Variants in TMEM135 observed in about 807,000 individuals in gnomAD.
TMEM135 encodes peroxisomal membrane protein 52.
Under a neutral mutation model 60.3 loss-of-function variants are expected in TMEM135, and 30 were observed. That is an observed-to-expected ratio of 0.50 (90% confidence interval 0.37 to 0.68). The LOEUF is 0.68. TMEM135 is among the 30% of genes least tolerant of loss of function. The probability of loss-of-function intolerance (pLI) is 0.00; values close to 1 mark genes in which losing one functional copy is unlikely to be tolerated. For synonymous variants in TMEM135, 190 were observed against 186.7 expected, an observed-to-expected ratio of 1.02 and a Z score of -0.14; for missense variants, 468 against 548.8, an observed-to-expected ratio of 0.85 and a Z score of 1.47.
At chr11:87,251,763 CTG>C (rs1431605616) in intron 6 of TMEM135, among the ~76,000 whole-genome samples, 1 of 152,124 alleles carries the variant, frequency 6.6e-6, no homozygotes, top group Non-Finnish European at 1.5e-5. Context: ...AGAAAAAACA[CTG>C]AACTAAAACG....
intron 6 of TMEM135, among the ~76,000 whole-genome samples, chr11:87,280,846 C>G (rs1942048765): frequency 6.6e-6 from 1 of 152,130 alleles, no homozygotes; most frequent in African/African-American, 2.4e-5. Flanking sequence ...AACAACACTC[C>G]AACCTATAGA....
chr11:87,125,826 A>G (rs1937710319), intron 4 of TMEM135, among the ~76,000 whole-genome samples: 1 of 152,242 alleles, frequency 6.6e-6, no homozygotes, highest in African/African-American at 2.4e-5. Flanking sequence ...TAAGAGCTCT[A>G]GAAAATTTAC....
chr11:87,138,690 T>C (rs997975964), intron 4 of TMEM135, among the ~76,000 whole-genome samples: 2 of 152,206 alleles, frequency 1.3e-5, no homozygotes, highest in Admixed American at 6.5e-5. Context: ...CTATATAGTA[T>C]GATACATTGT....
At chr11:87,285,657 G>A (rs183463686) in intron 6 of TMEM135, among the ~76,000 whole-genome samples, 16 of 152,314 alleles carry the variant, frequency 1.1e-4, no homozygotes, top group South Asian at 2.1e-4. Context: ...AAAGAAGTGC[G>A]GACCTAAAGA....
chr11:87,080,684 T>G (rs1856971526), intron 3 of TMEM135, among the ~76,000 whole-genome samples: 1 of 152,160 alleles, frequency 6.6e-6, no homozygotes, highest in Non-Finnish European at 1.5e-5. Flanking sequence ...TTTATTTGAT[T>G]TTTTTATTTC....
chr11:87,257,005 G>A (rs1941540120), intron 6 of TMEM135, among the ~76,000 whole-genome samples: 1 of 152,036 alleles, frequency 6.6e-6, no homozygotes, highest in Non-Finnish European at 1.5e-5. Context: ...ATGATTATAT[G>A]CCTTTGTATT....
chr11:87,227,734 T>G (rs1467026054), intron 5 of TMEM135, among the ~76,000 whole-genome samples: 2 of 152,162 alleles, frequency 1.3e-5, no homozygotes, highest in Non-Finnish European at 2.9e-5. Context: ...GAACACACAT[T>G]GTAAATTATA....
chr11:87,043,405 T>G (rs1330823396), intron 1 of TMEM135, among the ~76,000 whole-genome samples: 1 of 152,118 alleles, frequency 6.6e-6, no homozygotes, highest in Non-Finnish European at 1.5e-5. Context: ...GTGGTACCCC[T>G]TGCTGCACAC....
intron 4 of TMEM135, among the ~76,000 whole-genome samples, chr11:87,127,704 G>A (rs755026848): frequency 3.3e-5 from 5 of 152,166 alleles, no homozygotes; most frequent in Non-Finnish European, 7.3e-5. Flanking sequence ...CCAGTGTTAG[G>A]GCTAGGTGTT....
chr11:87,070,148 G>T (rs951288133), intron 2 of TMEM135, among the ~76,000 whole-genome samples: 30 of 151,994 alleles, frequency 2.0e-4, no homozygotes, highest in African/African-American at 7.0e-4. Flanking sequence ...ATGCCAGCCT[G>T]GTGACAGGGC....
intron 6 of TMEM135, among the ~76,000 whole-genome samples, chr11:87,265,655 A>C (rs1448772780): frequency 2.0e-5 from 3 of 152,098 alleles, no homozygotes; most frequent in African/African-American, 7.2e-5. Flanking sequence ...ATTTGATAGC[A>C]TATTTAAAGA....
intron 1 of TMEM135, among the ~76,000 whole-genome samples, chr11:87,046,924 T>C (rs1949801402): frequency 1.3e-5 from 2 of 152,182 alleles, no homozygotes; most frequent in Non-Finnish European, 2.9e-5. Context: ...CATTGTGACC[T>C]TGAGCAAGGT....
intron 4 of TMEM135, among the ~76,000 whole-genome samples, chr11:87,131,021 A>ATTTG (rs761565687): frequency 4.7e-5 from 7 of 148,404 alleles, no homozygotes; most frequent in African/African-American, 1.2e-4. Context: ...ATTAGGCTTT[A>ATTTG]TTTATTTATT....
chr11:87,038,192 A>T lies in TMEM135; in HGVS notation c.141+6A>T, dbSNP rs1949719994. 7 of 1,613,582 alleles carry T rather than the reference A, an allele frequency of 4.3e-6. No individual in the cohort carries two copies. The highest frequency in any genetic ancestry group is 5.9e-6 in the Non-Finnish European group (7 of 1,179,928). ...TCTATGCTCCTCTGTACTTGGTGAG[A>T]CCCGTCACCCGTCCCGCAGGGCGAG... On this transcript the variant is annotated splice_donor_region_variant and intron_variant, in intron 1 of 14. Coordinates refer to ENST00000305494, the MANE Select transcript of TMEM135 (RefSeq NM_022918.4).
chr11:87,236,812 C>G lies in TMEM135; in HGVS notation c.509+128C>G. The stretch of plus-strand genomic sequence containing the variant: ...AAGCAGCATACTCCCCCCGCACCCC[C>G]GCCCAGAGTGGACAGAGGTAAATCA... On this transcript the variant is annotated intron_variant, in intron 6 of 14. Coordinates refer to ENST00000305494, the MANE Select transcript of TMEM135 (RefSeq NM_022918.4). 3 of 844,576 alleles carry G rather than the reference C, an allele frequency of 3.6e-6. No individual in the cohort carries two copies. In the South Asian group the frequency reaches 4.3e-5, roughly 12 times the overall value. The allele number at this position is 844,576 out of a possible 1,614,324, so 52.3% of individuals were successfully genotyped here.
chr11:87,116,685 A>T (rs1591030913), intron 4 of TMEM135, among the ~76,000 whole-genome samples: 1 of 152,126 alleles, frequency 6.6e-6, no homozygotes, highest in East Asian at 1.9e-4. Context: ...TACCTCAAAG[A>T]TATCATGGGT....
intron 13 of TMEM135, among the ~76,000 whole-genome samples, chr11:87,318,474 G>A (rs1337652552): frequency 1.3e-5 from 2 of 150,638 alleles, no homozygotes; most frequent in African/African-American, 4.9e-5. Context: ...TTTTAATAGA[G>A]TACAATTTAT....
In TMEM135 at chr11:87,314,567, A is replaced by G; in HGVS notation, c.1077+20A>G. ...GTAGAGGTAAGCGAAATTTTTGTGC[A>G]AGAATAGTTCCAAAGAACATAAAGC... On this transcript the variant is annotated intron_variant, in intron 12 of 14. Transcript: ENST00000305494. 1.3e-6 allele frequency: 2 copies of G among 1,595,324 alleles called. No homozygotes were observed. The highest frequency in any genetic ancestry group is 1.7e-6 in the Non-Finnish European group (2 of 1,165,606).
At position 87,110,131 on chromosome 11, in the gene TMEM135, G is replaced by C. The variant is rs542827657; in HGVS notation, c.396+18736G>C. ...GCAGTGTACCCACTGTAGAGGTATA[G>C]CTGGTTGTGGCAGTGTCGAAATTCC... is the stretch of plus-strand genomic sequence containing the variant. On this transcript the variant is annotated intron_variant, in intron 4 of 14. Coordinates refer to ENST00000305494, the MANE Select transcript of TMEM135 (RefSeq NM_022918.4). 5.9e-5 allele frequency among the ~76,000 whole-genome samples: 9 copies of C among 152,270 alleles called. No individual in the cohort carries two copies. The East Asian group carries it at 1.7e-3, about 29-fold the overall frequency.
Sources: allele counts gnomAD v4.1 joint callset (sites outside exome capture counted in the v4.1 genomes callset), GRCh38; gene constraint gnomAD v4.1.1; transcripts MANE v1.5; gene names NCBI Gene and HGNC (gene_info 2026-07-23, HGNC 2026-07-21).